Variants in NAALADL2 observed in about 807,000 individuals in gnomAD.
NAALADL2 encodes the protein N-acetylated alpha-linked acidic dipeptidase like 2, also known as inactive N-acetylated-alpha-linked acidic dipeptidase-like protein 2.
NAALADL2 carries 76 observed loss-of-function variants against 87.2 expected under a neutral mutation model. The ratio of observed to expected loss-of-function variants is 0.87; its 90% CI spans 0.72 to 1.05. The LOEUF (loss-of-function observed/expected upper bound fraction) is 1.05. Among genes scored for constraint, NAALADL2 ranks in the 50% least tolerant of loss-of-function variants. The pLI, the probability that NAALADL2 is intolerant of heterozygous loss-of-function variation, is 0.00. For synonymous variants in NAALADL2, 354 were observed against 331.0 expected (o/e 1.07, Z -0.75); for missense variants, 1,089 against 945.8 (o/e 1.15, Z -1.99).
intron 2 of NAALADL2, among the ~76,000 whole-genome samples, chr3:175,174,083 T>C (rs1339693722): frequency 6.6e-6 from 1 of 152,196 alleles, no homozygotes; most frequent in Non-Finnish European, 1.5e-5. Context: ...TTTAGAAAGA[T>C]TTATGAATGG....
chr3:175,064,587 T>C (rs1714196496), intron 1 of NAALADL2, among the ~76,000 whole-genome samples: 1 of 152,186 alleles, frequency 6.6e-6, no homozygotes, highest in African/African-American at 2.4e-5. Context: ...GTCAACTTTC[T>C]GTGACTTATC....
intron 7 of NAALADL2, among the ~76,000 whole-genome samples, chr3:175,465,107 C>T (rs1486216632): frequency 6.6e-6 from 1 of 151,952 alleles, no homozygotes; most frequent in East Asian, 1.9e-4. Flanking sequence ...ATTTAATTAG[C>T]CGGGCATGGT....
At chr3:175,264,627 TA>T (rs1220953220) in intron 4 of NAALADL2, among the ~76,000 whole-genome samples, 3 of 151,704 alleles carry the variant, frequency 2.0e-5, no homozygotes, top group African/African-American at 7.2e-5. Context: ...TTTTGTGGAA[TA>T]AAACAGATAT....
At chr3:175,012,429 A>G (rs1482295883) in intron 1 of NAALADL2, among the ~76,000 whole-genome samples, 1 of 152,140 alleles carries the variant, frequency 6.6e-6, no homozygotes, top group Non-Finnish European at 1.5e-5. Flanking sequence ...CGGCCTCCCA[A>G]ATTGTTGGGA....
intron 5 of NAALADL2, among the ~76,000 whole-genome samples, chr3:175,335,080 G>A (rs971888156): frequency 6.6e-6 from 1 of 152,146 alleles, no homozygotes; most frequent in Non-Finnish European, 1.5e-5. Context: ...TCTCTTGACA[G>A]GATGGGGCAT....
intron 13 of NAALADL2, among the ~76,000 whole-genome samples, chr3:175,757,514 G>T (rs1439934672): frequency 6.6e-6 from 1 of 151,958 alleles, no homozygotes; most frequent in Non-Finnish European, 1.5e-5. Flanking sequence ...TTTAAAGCCC[G>T]ATATTTGGTA....
intron 2 of NAALADL2, among the ~76,000 whole-genome samples, chr3:174,561,839 A>G (rs1176459688): frequency 1.3e-5 from 2 of 152,144 alleles, no homozygotes; most frequent in African/African-American, 4.8e-5. Context: ...AAAATGCTTT[A>G]TATATATCCT....
chr3:175,205,301 T>TA (rs776579607), intron 2 of NAALADL2, among the ~76,000 whole-genome samples: 3 of 151,988 alleles, frequency 2.0e-5, no homozygotes, highest in Non-Finnish European at 2.9e-5. Context: ...CTCAAATACT[T>TA]ACAGCCAGCT....
intron 4 of NAALADL2, among the ~76,000 whole-genome samples, chr3:175,297,921 A>C (rs1173947033): frequency 6.6e-6 from 1 of 152,186 alleles, no homozygotes; most frequent in Non-Finnish European, 1.5e-5. Flanking sequence ...TGAAGATTTA[A>C]TAACTATGAA....
chr3:175,586,186 A>T (rs1039255992), intron 10 of NAALADL2, among the ~76,000 whole-genome samples: 1 of 152,028 alleles, frequency 6.6e-6, no homozygotes. Flanking sequence ...GCAGGTTTCT[A>T]TGTCTAGTTC....
chr3:175,598,834 AG>A (rs143119955), intron 10 of NAALADL2, among the ~76,000 whole-genome samples: 6,077 of 152,210 alleles, frequency 0.04, 400 homozygotes, highest in African/African-American at 0.14. Context: ...TAATGCTTTT[AG>A]TACATTACTC....
intron 1 of NAALADL2, among the ~76,000 whole-genome samples, chr3:174,981,951 G>T (rs924850193): frequency 2.6e-5 from 4 of 152,140 alleles, no homozygotes; most frequent in Admixed American, 2.0e-4. Context: ...GACACTTTCT[G>T]AAGTCACAAA....
intron 3 of NAALADL2, among the ~76,000 whole-genome samples, chr3:174,760,534 G>T (rs1712790694): frequency 6.6e-6 from 1 of 152,168 alleles, no homozygotes; most frequent in African/African-American, 2.4e-5. Context: ...TTTGTTTTTA[G>T]ATTTATTCAT....
At chr3:175,576,273 A>G (rs952346453) in intron 10 of NAALADL2, 86 bp downstream of exon 10, 9 of 1,234,382 alleles carry the variant, frequency 7.3e-6, no homozygotes, top group African/African-American at 6.1e-5. Flanking sequence ...TTCAATTTTC[A>G]TATCAAATAG....
intron 5 of NAALADL2, among the ~76,000 whole-genome samples, chr3:175,435,696 A>T (rs927658524): frequency 6.6e-6 from 1 of 152,070 alleles, no homozygotes; most frequent in Non-Finnish European, 1.5e-5. Flanking sequence ...TCTTGAGTTT[A>T]TATGTCTAAA....
At chr3:174,999,993 C>A (rs1748016703) in intron 1 of NAALADL2, among the ~76,000 whole-genome samples, 1 of 151,902 alleles carries the variant, frequency 6.6e-6, no homozygotes, top group Non-Finnish European at 1.5e-5. Flanking sequence ...AGTAAATTAG[C>A]TTTTAACTAA....
At chr3:174,677,425 T>G (rs1018375358) in intron 2 of NAALADL2, among the ~76,000 whole-genome samples, 1 of 152,072 alleles carries the variant, frequency 6.6e-6, no homozygotes, top group Admixed American at 6.6e-5. Context: ...TTTTATTCTG[T>G]CAATAACATT....
chr3:175,725,372 C>T (rs916727747), intron 11 of NAALADL2, among the ~76,000 whole-genome samples: 1 of 152,110 alleles, frequency 6.6e-6, no homozygotes, highest in African/African-American at 2.4e-5. Context: ...GTTTTTGCAA[C>T]TACTCTAGGG....
At chr3:175,169,964 C>A (rs1734560330) in intron 2 of NAALADL2, among the ~76,000 whole-genome samples, 1 of 151,704 alleles carries the variant, frequency 6.6e-6, no homozygotes, top group Non-Finnish European at 1.5e-5. Flanking sequence ...CATTTTATTC[C>A]CTTAGGTTTA....
Sources: allele counts gnomAD v4.1 joint callset (sites outside exome capture counted in the v4.1 genomes callset), GRCh38; gene constraint gnomAD v4.1.1; transcripts MANE v1.5; gene names NCBI Gene and HGNC (gene_info 2026-07-23, HGNC 2026-07-21).